RFX4: variants seen among roughly 807,000 people sequenced by gnomAD.
RFX4 encodes the protein regulatory factor X4.
A neutral mutation model predicts 95.0 loss-of-function variants in RFX4; 10 were observed. The ratio of observed to expected loss-of-function variants is 0.11; its 90% CI spans 0.06 to 0.18. RFX4 has a LOEUF of 0.18. RFX4 is among the 10% of genes least tolerant of loss of function. The probability of loss-of-function intolerance (pLI) is 1.00; values close to 1 mark genes in which losing one functional copy is unlikely to be tolerated. For missense variants in RFX4, 640 were observed against 922.0 expected, an observed-to-expected ratio of 0.69 and a Z score of 3.96; for synonymous variants, 321 against 340.7, an observed-to-expected ratio of 0.94 and a Z score of 0.64.
At chr12:106,669,839 G>GGTGTGTGT (rs60975691) in intron 4 of RFX4, among the ~76,000 whole-genome samples, 1,648 of 143,218 alleles carry the variant, frequency 0.012, 40 homozygotes, top group African/African-American at 0.038. Context: ...TTTTTCTAGG[G>GGTGTGTGT]GTGTGTGTGT....
intron 8 of RFX4, among the ~76,000 whole-genome samples, chr12:106,706,328 T>C (rs1254526141): frequency 2.0e-5 from 3 of 152,042 alleles, no homozygotes; most frequent in Non-Finnish European, 1.5e-5. Flanking sequence ...GAATTACAGG[T>C]GTTTTGGAAA....
chr12:106,748,903 G>A (rs7966564), intron 16 of RFX4, among the ~76,000 whole-genome samples: 30,429 of 152,002 alleles, frequency 0.2, 3,426 homozygotes, highest in South Asian at 0.28. Flanking sequence ...TGGCGAACAT[G>A]GTGAAACCCC....
intron 2 of RFX4, among the ~76,000 whole-genome samples, chr12:106,611,072 G>A (rs1287358200): frequency 3.9e-5 from 6 of 152,156 alleles, no homozygotes; most frequent in African/African-American, 1.4e-4. Context: ...AATGATTGGT[G>A]ATGTTGAACA....
intron 8 of RFX4, among the ~76,000 whole-genome samples, chr12:106,701,556 T>A (rs1039663180): frequency 2.1e-4 from 32 of 152,232 alleles, no homozygotes; most frequent in African/African-American, 7.0e-4. Flanking sequence ...ATTTTGCTTT[T>A]TCTCTACTCA....
At chr12:106,593,329 T>C (rs2039573990) in intron 1 of RFX4, among the ~76,000 whole-genome samples, 1 of 152,236 alleles carries the variant, frequency 6.6e-6, no homozygotes, top group African/African-American at 2.4e-5. Context: ...AAGACCGGTG[T>C]TTAGACACAA....
chr12:106,680,358 C>CCAA (rs1456890144), intron 4 of RFX4, among the ~76,000 whole-genome samples: 1 of 152,146 alleles, frequency 6.6e-6, no homozygotes, highest in Non-Finnish European at 1.5e-5. Flanking sequence ...GTTGAGATCA[C>CCAA]CAACACCTAG....
At position 106,634,191 on chromosome 12, in the gene RFX4, A is replaced by G. The variant is rs150955107; in HGVS notation, c.131-5141A>G. ...ATGAACATGCATTACTTTTGTGAATATAAAGCAACGTTATTTTTTAAAAAC... is the reference window on the plus strand; with the variant it reads ...ATGAACATGCATTACTTTTGTGAATGTAAAGCAACGTTATTTTTTAAAAAC... On this transcript the variant is annotated intron_variant, in intron 2 of 17. Coordinates refer to ENST00000392842, the MANE Select transcript of RFX4 (RefSeq NM_213594.3). Among the ~76,000 whole-genome samples the G allele has an allele frequency of 4.1e-4, 63 of 152,342 alleles. 3 individuals are homozygous for G. The East Asian group carries it at 0.011, about 26-fold the overall frequency.
chr12:106,594,711 T>G (rs1206761023), intron 1 of RFX4, among the ~76,000 whole-genome samples: 3 of 151,342 alleles, frequency 2.0e-5, no homozygotes, highest in Non-Finnish European at 4.4e-5. Flanking sequence ...AGCTGAGCAG[T>G]GCACAGGGAT....
At chr12:106,738,022 TAA>T (rs1335000229) in intron 15 of RFX4, among the ~76,000 whole-genome samples, 1 of 152,108 alleles carries the variant, frequency 6.6e-6, no homozygotes, top group East Asian at 1.9e-4. Flanking sequence ...CACTGAACAT[TAA>T]AAGGGAAGAG....
At position 106,761,948 on chromosome 12, in the gene RFX4, A is replaced by G. The variant is rs1174017836; in HGVS notation, c.*479A>G. 3 of 152,802 alleles carry G rather than the reference A, an allele frequency of 2.0e-5. No individual in the cohort carries two copies. The highest frequency in any genetic ancestry group is 2.9e-5 in the Non-Finnish European group (2 of 68,162). 9.5% of individuals were successfully genotyped at this position (152,802 alleles called of 1,614,324 possible). A position where few individuals can be genotyped will look rare whatever the true frequency, so the allele number is the denominator to read the frequency against. On this transcript the variant is annotated 3_prime_UTR_variant, in exon 18 of 18. Transcript: ENST00000392842. ...GTCTTGTCATTGTACTGTACAAGGA[A>G]CAGCCCTCAGACGTGTTCTGCACAT...
rs1466045508 is a variant in RFX4, at chr12:106,586,965, C to G, written c.43+3602C>G. Among the ~76,000 whole-genome samples, 1 of 152,212 alleles carries G rather than the reference C, an allele frequency of 6.6e-6. No homozygotes were observed. The highest frequency in any genetic ancestry group is 1.5e-5 in the Non-Finnish European group (1 of 68,034). On this transcript the variant is annotated intron_variant, in intron 1 of 17. Transcript: ENST00000392842. The surrounding 1 kb of genome is among the most constrained non-coding windows in gnomAD (Gnocchi z 5.6). ...CCCAAACCAGACAGTCTCGCCCTCCCCGGGCGTGTGTGTGTGCGCGCGCGC... is the reference window on the plus strand; with the variant it reads ...CCCAAACCAGACAGTCTCGCCCTCCGCGGGCGTGTGTGTGTGCGCGCGCGC...
chr12:106,673,782 CCAAT>C (rs1361298654), intron 4 of RFX4, among the ~76,000 whole-genome samples: 2 of 152,274 alleles, frequency 1.3e-5, no homozygotes, highest in African/African-American at 4.8e-5. Context: ...ACTTCAATGG[CCAAT>C]CAAAGAGGAA....
intron 8 of RFX4, among the ~76,000 whole-genome samples, chr12:106,706,291 T>C (rs181827713): frequency 9.2e-5 from 14 of 152,270 alleles, no homozygotes; most frequent in Non-Finnish European, 1.8e-4. Context: ...CTAAGAATAA[T>C]GTGAAAACAT....
At chr12:106,751,258 ACATGAACT>A (rs1340271883) in intron 17 of RFX4, among the ~76,000 whole-genome samples, 1 of 150,492 alleles carries the variant, frequency 6.6e-6, no homozygotes, top group Non-Finnish European at 1.5e-5. Context: ...CCTACAAAGG[ACATGAACT>A]CATCATTTTT....
intron 3 of RFX4, among the ~76,000 whole-genome samples, chr12:106,648,327 C>T (rs1418387551): frequency 3.3e-5 from 5 of 152,006 alleles, no homozygotes; most frequent in East Asian, 3.9e-4. Flanking sequence ...GAGCAGGAAA[C>T]GATCCAGTTG....
chr12:106,616,040 A>C (rs1242525495), intron 2 of RFX4, among the ~76,000 whole-genome samples: 3 of 152,074 alleles, frequency 2.0e-5, no homozygotes, highest in African/African-American at 7.2e-5. Flanking sequence ...CTTTTTCCCA[A>C]CCTAAGTGGT....
chr12:106,736,037 A>G (rs1322289340), intron 15 of RFX4, among the ~76,000 whole-genome samples: 1 of 152,124 alleles, frequency 6.6e-6, no homozygotes, highest in Admixed American at 6.5e-5. Flanking sequence ...CCCTCCTGTT[A>G]CCCAGGCAAC....
In RFX4 at chr12:106,601,176, G is replaced by A. The variant is rs542832652; in HGVS notation, c.44-7621G>A. On this transcript the variant is annotated intron_variant, in intron 1 of 17. Transcript: ENST00000392842. ...CCACTGACCTGAGCCACCCCCTGGA[G>A]AGGCCACAGCTGCTGGCTTCCTGGG... 1.6e-3 allele frequency: 2,415 copies of A among 1,512,490 alleles called. 6 individuals are homozygous for A. The highest frequency in any genetic ancestry group is 1.9e-3 in the Middle Eastern group (8 of 4,244). The allele number at this position is 1,512,490 out of a possible 1,614,324, so 93.7% of individuals were successfully genotyped here. A position where few individuals can be genotyped will look rare whatever the true frequency, so the allele number is the denominator to read the frequency against.
chr12:106,589,012 A>G (rs1431081852), intron 1 of RFX4, among the ~76,000 whole-genome samples: 2 of 152,170 alleles, frequency 1.3e-5, no homozygotes, highest in African/African-American at 4.8e-5. Context: ...CTGAGAGCCC[A>G]TCCTACGTGT....
Sources: allele counts gnomAD v4.1 joint callset (sites outside exome capture counted in the v4.1 genomes callset), GRCh38; gene constraint gnomAD v4.1.1; non-coding constraint Gnocchi (gnomAD v3.1); transcripts MANE v1.5; gene names NCBI Gene and HGNC (gene_info 2026-07-23, HGNC 2026-07-21).